Variants in MIPOL1 observed in about 807,000 individuals in gnomAD.
MIPOL1 encodes the protein mirror-image polydactyly 1.
A neutral mutation model predicts 60.9 loss-of-function variants in MIPOL1; 57 were observed. The ratio of observed to expected loss-of-function variants is 0.94; its 90% CI spans 0.76 to 1.17. MIPOL1 has a LOEUF of 1.17. Among genes scored for constraint, MIPOL1 ranks in the 50% most tolerant of loss-of-function variants. MIPOL1 has a pLI of 0.00. For missense variants in MIPOL1, 551 were observed against 511.6 expected, an observed-to-expected ratio of 1.08 and a Z score of -0.74; for synonymous variants, 179 against 168.8, an observed-to-expected ratio of 1.06 and a Z score of -0.47.
Position 37,237,864 on chromosome 14 carries a change from G to A in MIPOL1, c.-198-9239G>A, listed in dbSNP as rs543286801. On this transcript the variant is annotated intron_variant, in intron 1 of 12. Coordinates refer to ENST00000684589, the MANE Select transcript of MIPOL1 (RefSeq NM_001388067.1). ...GAGCCAGTTTGGTCTCCATATTCTC[G>A]TGGACTGCTTGGTTAAGTCCTGCTC... Among the ~76,000 whole-genome samples, 10 of 152,242 alleles carry A rather than the reference G, an allele frequency of 6.6e-5. No individual in the cohort carries two copies. In the South Asian group the frequency reaches 2.1e-3, roughly 32 times the overall value.
intron 10 of MIPOL1, among the ~76,000 whole-genome samples, chr14:37,405,723 AG>A: frequency 6.6e-6 from 1 of 151,992 alleles, no homozygotes; most frequent in African/African-American, 2.4e-5. Flanking sequence ...GAACTGTTTC[AG>A]TAAAAAAAAA....
At chr14:37,458,557 T>G (rs1348541098) in intron 11 of MIPOL1, among the ~76,000 whole-genome samples, 1 of 152,132 alleles carries the variant, frequency 6.6e-6, no homozygotes, top group Admixed American at 6.5e-5. Context: ...CCAGTCACAG[T>G]GGCTCATGCC....
chr14:37,409,675 A>G (rs1259770611), intron 10 of MIPOL1, among the ~76,000 whole-genome samples: 2 of 152,158 alleles, frequency 1.3e-5, no homozygotes, highest in Admixed American at 6.5e-5. Context: ...AGTCCCAGCT[A>G]CTTGGGAGGC....
intron 10 of MIPOL1, among the ~76,000 whole-genome samples, chr14:37,371,550 T>G (rs1489027637): frequency 2.0e-5 from 3 of 152,134 alleles, no homozygotes; most frequent in Non-Finnish European, 4.4e-5. Flanking sequence ...ATAAGCTAGC[T>G]TAAATTCTTG....
At chr14:37,384,293 T>C (rs2093007315) in intron 10 of MIPOL1, among the ~76,000 whole-genome samples, 1 of 151,918 alleles carries the variant, frequency 6.6e-6, no homozygotes, top group South Asian at 2.1e-4. Context: ...TGATTGCTTC[T>C]GCTTAGCCAA....
chr14:37,550,495 C>CATATATATATATAT lies in MIPOL1; in HGVS notation c.*3530_*3543dup, dbSNP rs3062723. 7 of 145,814 alleles carry CATATATATATATAT rather than the reference C, an allele frequency of 4.8e-5. No individual in the cohort carries two copies. The highest frequency in any genetic ancestry group is 1.4e-4 in the Admixed American group (2 of 14,588). The allele number at this position is 145,814 out of a possible 1,614,324, so 9.0% of individuals were successfully genotyped here. A position where few individuals can be genotyped will look rare whatever the true frequency, so the allele number is the denominator to read the frequency against. On this transcript the variant is annotated 3_prime_UTR_variant, in exon 13 of 13. Coordinates refer to ENST00000684589, the MANE Select transcript of MIPOL1 (RefSeq NM_001388067.1). ...AGCTAACCTATCTATTCATATTTTA[C>CATATATATATATAT]ATATATATATATATATATACATGCA...
chr14:37,423,593 T>C (rs554969481), intron 11 of MIPOL1: 4 of 152,100 alleles, frequency 2.6e-5, no homozygotes, highest in African/African-American at 9.6e-5. Context: ...TTACAGTGGA[T>C]CATGGTAGAA....
chr14:37,535,451 G>C (rs1051386534), intron 12 of MIPOL1, among the ~76,000 whole-genome samples: 2 of 152,140 alleles, frequency 1.3e-5, no homozygotes, highest in African/African-American at 4.8e-5. Context: ...GCTTAATGCA[G>C]CATGGTAAAT....
chr14:37,453,040 A>T (rs930743124), intron 11 of MIPOL1, among the ~76,000 whole-genome samples: 3 of 152,184 alleles, frequency 2.0e-5, no homozygotes, highest in Non-Finnish European at 4.4e-5. Context: ...TGATGTTAGG[A>T]TGTGCATTTT....
intron 10 of MIPOL1, among the ~76,000 whole-genome samples, chr14:37,397,651 C>T (rs995328968): frequency 6.6e-6 from 1 of 152,060 alleles, no homozygotes; most frequent in African/African-American, 2.4e-5. Flanking sequence ...TCAGACTCTC[C>T]TTGGGTAGGG....
At chr14:37,455,297 A>G (rs1300918039) in intron 11 of MIPOL1, among the ~76,000 whole-genome samples, 4 of 152,160 alleles carry the variant, frequency 2.6e-5, no homozygotes, top group Non-Finnish European at 5.9e-5. Flanking sequence ...TCTTCATTAT[A>G]TATCACTTGA....
chr14:37,387,469 C>G (rs759302988), intron 10 of MIPOL1, among the ~76,000 whole-genome samples: 4 of 151,774 alleles, frequency 2.6e-5, no homozygotes, highest in South Asian at 2.1e-4. Flanking sequence ...GAAGGATTCT[C>G]GTAGGGCTAT....
chr14:37,220,635 C>T (rs1968585241), intron 1 of MIPOL1, among the ~76,000 whole-genome samples: 1 of 152,158 alleles, frequency 6.6e-6, no homozygotes, highest in Non-Finnish European at 1.5e-5. Context: ...TACAAAAATG[C>T]ACTGTCACAA....
chr14:37,524,774 T>G (rs577018821), intron 12 of MIPOL1, among the ~76,000 whole-genome samples: 1 of 151,752 alleles, frequency 6.6e-6, no homozygotes, highest in African/African-American at 2.4e-5. Flanking sequence ...TTCACCATCT[T>G]GGCCAGCCTG....
chr14:37,503,440 G>A (rs878955979), intron 12 of MIPOL1: 1 of 152,038 alleles, frequency 6.6e-6, no homozygotes, highest in African/African-American at 2.4e-5. Context: ...AAGAGAGTAG[G>A]GGCCAATATT....
At chr14:37,378,167 C>A (rs1042605793) in intron 10 of MIPOL1, among the ~76,000 whole-genome samples, 2 of 151,990 alleles carry the variant, frequency 1.3e-5, no homozygotes, top group African/African-American at 4.8e-5. Context: ...TACCATATAA[C>A]CCAGCTATTG....
At chr14:37,323,251 GTT>G (rs1294314776) in intron 9 of MIPOL1, among the ~76,000 whole-genome samples, 1 of 151,926 alleles carries the variant, frequency 6.6e-6, no homozygotes, top group South Asian at 2.1e-4. Flanking sequence ...CCCCTTGCTT[GTT>G]TTTGTCAGGT....
At chr14:37,533,214 C>T (rs1459461621) in intron 12 of MIPOL1, among the ~76,000 whole-genome samples, 1 of 152,058 alleles carries the variant, frequency 6.6e-6, no homozygotes, top group Non-Finnish European at 1.5e-5. Context: ...TATACAATGT[C>T]TAAGCCCAAT....
chr14:37,298,057 A>G (rs868656745), intron 7 of MIPOL1, among the ~76,000 whole-genome samples: 6 of 152,182 alleles, frequency 3.9e-5, no homozygotes, highest in Non-Finnish European at 8.8e-5. Flanking sequence ...ACTATACTAC[A>G]AGGCTACAGT....
Sources: gnomAD v4.1 joint callset for allele counts (sites outside exome capture counted in the v4.1 genomes callset) on GRCh38, gnomAD v4.1.1 for gene constraint, MANE v1.5 for transcripts, NCBI Gene and HGNC (gene_info 2026-07-23, HGNC 2026-07-21) for gene names.